The following COL5A3 variants were observed in gnomAD, a reference collection of about 807,000 sequenced individuals.
The protein encoded by COL5A3 is collagen alpha-3(V) chain.
In COL5A3, 172 loss-of-function variants were observed where a neutral mutation model predicts 250.0. The observed-to-expected ratio is 0.69, with a 90% CI of 0.61 to 0.78. The LOEUF (loss-of-function observed/expected upper bound fraction) is 0.78, where lower values mean the gene tolerates loss of function less well. Ranked by LOEUF, COL5A3 falls within the 30% of genes least tolerant of loss-of-function variation. The pLI is 0.00. For synonymous variants in COL5A3, 937 were observed against 900.4 expected (o/e 1.04, Z -0.73); for missense variants, 2,340 against 2,334.4 (o/e 1.00, Z -0.05).
At chr19:9,987,029 T>A (rs1039928718) in intron 27 of COL5A3, among the ~76,000 whole-genome samples, 4 of 152,174 alleles carry the variant, frequency 2.6e-5, no homozygotes, top group African/African-American at 9.7e-5. Context: ...CCACAGTTCC[T>A]TCTGGCAGGA....
rs138143615 is a variant in COL5A3, at chr19:9,988,028, C to T, written c.2145+1096G>A. 4.2e-3 allele frequency among the ~76,000 whole-genome samples: 643 copies of T among 151,810 alleles called. 3 individuals are homozygous for T. Among genetic ancestry groups the T allele is most frequent in the African/African-American group, 0.015 (629 of 41,390 alleles). Reference sequence around the variant, plus strand: ...GGCGGCCGGATCACCTGAGGTCAGGCGTTCAAGACCAGCCTGACCAACATG... The same window carrying T: ...GGCGGCCGGATCACCTGAGGTCAGGTGTTCAAGACCAGCCTGACCAACATG... On this transcript the variant is annotated intron_variant, in intron 27 of 66. Transcript: ENST00000264828.
intron 65 of COL5A3, among the ~76,000 whole-genome samples, chr19:9,961,373 TG>T (rs1424109612): frequency 2.0e-5 from 3 of 151,948 alleles, no homozygotes; most frequent in African/African-American, 4.8e-5. Flanking sequence ...TTTCCTTTTT[TG>T]GGGGGTAAGG....
chr19:9,985,419 C>G (rs1296183883), intron 31 of COL5A3, among the ~76,000 whole-genome samples: 1 of 149,792 alleles, frequency 6.7e-6, no homozygotes. Flanking sequence ...CACCACCACA[C>G]CCAGCTAATT....
At position 9,975,932 on chromosome 19, in the gene COL5A3, T is replaced by C. The variant is rs147073363; in HGVS notation, c.3342+626A>G. Among the ~76,000 whole-genome samples the C allele has an allele frequency of 3.4e-3, 520 of 151,890 alleles. 2 individuals are homozygous for C. Among genetic ancestry groups the C allele is most frequent in the Middle Eastern group, 0.014 (4 of 290 alleles). ...GCCAGATTCTGGGGTTGAGTTCCCA[T>C]TGGGTGTTGGCATTGAGGGGAAGAC... On this transcript the variant is annotated intron_variant, in intron 45 of 66. Coordinates refer to ENST00000264828, the MANE Select transcript of COL5A3 (RefSeq NM_015719.4).
At position 9,960,183 on chromosome 19, in the gene COL5A3, T is replaced by C; in HGVS notation, c.*228A>G. The C allele has an allele frequency of 1.7e-6, 1 of 585,738 alleles. No individual in the cohort carries two copies. The highest frequency in any genetic ancestry group is 3.0e-5 in the Admixed American group (1 of 33,124). The allele number at this position is 585,738 out of a possible 1,614,324, so 36.3% of individuals were successfully genotyped here. ...GGAGGGAGGGGAGAAAGAGCCAGAC[T>C]GCAGTATGCCACCTGGAATGGGGTG... is the stretch of plus-strand genomic sequence containing the variant. On this transcript the variant is annotated 3_prime_UTR_variant, in exon 67 of 67. Transcript: ENST00000264828.
rs79256311 is a variant in COL5A3 at position 10,008,848 on chromosome 19, G to A, written c.88+1450C>T. ...GGGGAGTGCCGTTCTGTGTGAGAGT[G>A]TGACCCAGTGGGTGAGTGGGTGATG... On this transcript the variant is annotated intron_variant, in intron 1 of 66. Coordinates refer to ENST00000264828, the MANE Select transcript of COL5A3 (RefSeq NM_015719.4). Among the ~76,000 whole-genome samples, 4 of 152,226 alleles carry A rather than the reference G, an allele frequency of 2.6e-5. No individual in the cohort carries two copies. The East Asian group carries it at 7.7e-4, about 29-fold the overall frequency.
intron 54 of COL5A3, among the ~76,000 whole-genome samples, 181 bp downstream of exon 54, chr19:9,970,441 T>TGGAGGGAGTGGGGTCTGTG (rs1555734769): frequency 5.3e-5 from 1 of 18,706 alleles, no homozygotes; most frequent in Non-Finnish European, 8.9e-5. Context: ...GTGGGGTCTG[T>TGGAGGGAGTGGGGTCTGTG]GGGTGAGTGG....
In COL5A3 at chr19:9,986,296, AG is replaced by A. The variant is rs1445285474; in HGVS notation, c.2352+18del. 4.1e-6 allele frequency: 6 copies of A among 1,465,726 alleles called. No individual in the cohort carries two copies. In the Admixed American group the frequency reaches 6.3e-5, roughly 15 times the overall value. 90.8% of individuals were successfully genotyped at this position (1,465,726 alleles called of 1,614,324 possible). A position where few individuals can be genotyped will look rare whatever the true frequency, so the allele number is the denominator to read the frequency against. Reference sequence around the variant, plus strand: ...GGACACCTTGACTGTGGGAGGCTAGAGGGTGGAGAGTCATTTACCTTCTCCC... The same window carrying A: ...GGACACCTTGACTGTGGGAGGCTAGAGGTGGAGAGTCATTTACCTTCTCCC... On this transcript the variant is annotated intron_variant, in intron 30 of 66. Transcript: ENST00000264828.
At chr19:9,973,879 C>T (rs1289733068) in intron 48 of COL5A3, 40 bp downstream of exon 48, 1 of 1,601,196 alleles carries the variant, frequency 6.2e-7, no homozygotes, top group Non-Finnish European at 8.5e-7. Flanking sequence ...AAATGGTTGT[C>T]CCCATCTCTG....
chr19:10,002,174 C>T (rs2087373205), intron 6 of COL5A3, among the ~76,000 whole-genome samples: 1 of 152,136 alleles, frequency 6.6e-6, no homozygotes, highest in Admixed American at 6.5e-5. Context: ...GCCCACATGT[C>T]CTCTCCCAAG....
At chr19:9,989,674 G>A (rs552710522) in intron 24 of COL5A3, 152 bp from the exon 25 acceptor site, 36 of 686,898 alleles carry the variant, frequency 5.2e-5, no homozygotes, top group South Asian at 3.9e-4. Context: ...CAAACTTGCT[G>A]TGTGACCCCA....
Position 10,005,611 on chromosome 19 carries a change from T to G in COL5A3, c.541A>C (p.Ile181Leu), listed in dbSNP as rs756949053. ...VLGHGPRFISIAGLTVLGTQD... is the reference protein window; with the variant it reads ...VLGHGPRFISLAGLTVLGTQD... ...GTCCCCAGCACAGTGAGTCCAGCTA[T>G]GCTGATGAAGCGGGGGCCATGGCCC... The change falls in exon 4 of 67, where the codon ATA becomes CTA. Residue 181 changes from isoleucine to leucine, a missense_variant. Ile to Leu is a conservative substitution (Grantham distance 5, BLOSUM62 2). Coordinates refer to ENST00000264828, the MANE Select transcript of COL5A3 (RefSeq NM_015719.4). The G allele has an allele frequency of 5.0e-6, 8 of 1,614,012 alleles. No individual in the cohort carries two copies. The highest frequency in any genetic ancestry group is 3.3e-5 in the Admixed American group (2 of 59,990).
In COL5A3 at chr19:9,966,617, G is replaced by A. The variant is rs1201069627; in HGVS notation, c.4588C>T (p.Leu1530=). 3 of 1,538,910 alleles carry A rather than the reference G, an allele frequency of 1.9e-6. No individual in the cohort carries two copies. The highest frequency in any genetic ancestry group is 2.7e-5 in the African/African-American group (2 of 73,024). The change falls in exon 63 of 67, where the codon CTG becomes TTG. Residue 1530 remains leucine, a synonymous_variant. Coordinates refer to ENST00000264828, the MANE Select transcript of COL5A3 (RefSeq NM_015719.4). Reference sequence around the variant, plus strand: ...TCCGCAGTGCCGGGAGGACGCCGCAGCTGCTCCAGCTCCAAGCTCAGCGAT... The same window carrying A: ...TCCGCAGTGCCGGGAGGACGCCGCAACTGCTCCAGCTCCAAGCTCAGCGAT... ...LTSLSLELEQ[L]RRPPGTAERP... is the part of the protein sequence containing the mutation.
At position 10,006,099 on chromosome 19, in the gene COL5A3, C is replaced by T; in HGVS notation, c.221G>A (p.Gly74Asp). 1.2e-6 allele frequency: 2 copies of T among 1,613,978 alleles called. No homozygotes were observed. Among genetic ancestry groups the T allele is most frequent in the Non-Finnish European group, 1.7e-6 (2 of 1,179,920 alleles). ...TGGAAAGAGTTCCCACGTGGGGATGCCGAGCGTGCTGGCCTGGCCAATTCT... is the reference window on the plus strand; with the variant it reads ...TGGAAAGAGTTCCCACGTGGGGATGTCGAGCGTGCTGGCCTGGCCAATTCT... ...AFRIGQASTL[G>D]IPTWELFPEG... Residue 74 changes from glycine (G) to aspartate (D), a missense_variant, in exon 2 of 67, where the codon GGC becomes GAC. Physicochemically the swap from Gly to Asp is moderately conservative, Grantham distance 94. Transcript: ENST00000264828.
chr19:9,993,890 CA>C, intron 16 of COL5A3, 84 bp from the exon 17 acceptor site: 1 of 1,282,924 alleles, frequency 7.8e-7, no homozygotes, highest in Non-Finnish European at 1.1e-6. Flanking sequence ...TCATCATCAA[CA>C]TCAAGATTTT....
Position 9,960,432 on chromosome 19 carries a change from G to A in COL5A3, c.5217C>T (p.Gly1739=). Residue 1739 remains glycine, a synonymous_variant, in exon 67 of 67, where the codon GGC becomes GGT. Coordinates refer to ENST00000264828, the MANE Select transcript of COL5A3 (RefSeq NM_015719.4). ...ACTCTCAGCTGCTGAAGCAGACGGG[G>A]CCCAGTTCAAACCCAAACTTTTGGT... ...QTNQKFGFEL[G]PVCFSS is the part of the protein sequence containing the mutation. 6.2e-7 allele frequency: 1 copy of A among 1,614,152 alleles called. No individual in the cohort carries two copies.
chr19:10,006,636 G>A (rs1272891347), intron 1 of COL5A3, among the ~76,000 whole-genome samples: 2 of 152,096 alleles, frequency 1.3e-5, no homozygotes, highest in Non-Finnish European at 2.9e-5. Flanking sequence ...CACGTGGAGA[G>A]GAGGGGCTTC....
rs10406152 is a variant in COL5A3 at position 9,960,387 on chromosome 19, T to A, written c.*24A>T. ...TGCACCCCATTCTGGGGCTCCCTCA[T>A]GGTCCCTCCCACCCCGGACACTCTC... On this transcript the variant is annotated 3_prime_UTR_variant, in exon 67 of 67. Coordinates refer to ENST00000264828, the MANE Select transcript of COL5A3 (RefSeq NM_015719.4). 1 of 1,613,452 alleles carries A rather than the reference T, an allele frequency of 6.2e-7. No individual in the cohort carries two copies. Among genetic ancestry groups the A allele is most frequent in the Non-Finnish European group, 8.5e-7 (1 of 1,179,698 alleles).
At chr19:9,986,172 T>C (rs922152064) in intron 30 of COL5A3, 143 bp downstream of exon 30, 9 of 645,226 alleles carry the variant, frequency 1.4e-5, no homozygotes, top group East Asian at 1.4e-4. Context: ...TAAATTGCTC[T>C]GTAATGCTGA....
Sources: gnomAD v4.1 joint callset for allele counts (sites outside exome capture counted in the v4.1 genomes callset) on GRCh38, gnomAD v4.1.1 for gene constraint, MANE v1.5 for transcripts, NCBI Gene and HGNC (gene_info 2026-07-23, HGNC 2026-07-21) for gene names.